CPQ: variants seen among roughly 807,000 people sequenced by gnomAD.
CPQ encodes the protein carboxypeptidase Q, also known as Ser-Met dipeptidase.
Under a neutral mutation model 45.7 loss-of-function variants are expected in CPQ, and 37 were observed. The observed-to-expected ratio is 0.81, with a 90% CI of 0.62 to 1.07. CPQ has a LOEUF of 1.07. Among genes scored for constraint, CPQ ranks in the 50% least tolerant of loss-of-function variants. CPQ has a pLI of 0.00. For missense variants in CPQ, 537 were observed against 572.9 expected, an observed-to-expected ratio of 0.94 and a Z score of 0.64; for synonymous variants, 186 against 205.8, an observed-to-expected ratio of 0.90 and a Z score of 0.82.
intron 7 of CPQ, among the ~76,000 whole-genome samples, chr8:97,120,697 G>A (rs1811686370): frequency 2.0e-5 from 3 of 152,122 alleles, no homozygotes; most frequent in Admixed American, 2.0e-4. Flanking sequence ...CTCAGTTTAG[G>A]AGCTTAATGT....
intron 2 of CPQ, among the ~76,000 whole-genome samples, chr8:96,826,116 T>C (rs1269085972): frequency 6.6e-6 from 1 of 152,084 alleles, no homozygotes; most frequent in Non-Finnish European, 1.5e-5. Flanking sequence ...ATTTTAATGA[T>C]CTTGAGTTTA....
intron 4 of CPQ, among the ~76,000 whole-genome samples, chr8:96,899,238 C>T (rs1285592498): frequency 6.6e-6 from 1 of 151,938 alleles, no homozygotes; most frequent in South Asian, 2.1e-4. Context: ...TATGGGGATG[C>T]GTAGAGAGTA....
chr8:96,862,180 A>G (rs1194623270), intron 3 of CPQ, among the ~76,000 whole-genome samples: 1 of 152,026 alleles, frequency 6.6e-6, no homozygotes, highest in Admixed American at 6.6e-5. Context: ...TTTAAATCCC[A>G]GCCCTTCCGC....
chr8:96,944,206 A>G (rs960642568), intron 4 of CPQ, among the ~76,000 whole-genome samples: 3 of 152,090 alleles, frequency 2.0e-5, no homozygotes, highest in Admixed American at 2.0e-4. Context: ...GTCTATGATC[A>G]AAATATCCTC....
intron 6 of CPQ, among the ~76,000 whole-genome samples, chr8:97,047,927 T>C (rs962361762): frequency 3.3e-5 from 5 of 152,290 alleles, no homozygotes; most frequent in Non-Finnish European, 7.4e-5. Flanking sequence ...CTTTGAGAGA[T>C]GGAAATAATG....
At chr8:96,791,845 C>T (rs1810850338) in intron 2 of CPQ, among the ~76,000 whole-genome samples, 2 of 152,078 alleles carry the variant, frequency 1.3e-5, no homozygotes, top group South Asian at 2.1e-4. Flanking sequence ...ATCATCATGG[C>T]CTTGATTTCG....
chr8:96,753,540 T>TA, intron 1 of CPQ, among the ~76,000 whole-genome samples: 2 of 139,456 alleles, frequency 1.4e-5, no homozygotes, highest in Non-Finnish European at 3.3e-5. Context: ...CCTCAAGGTT[T>TA]TACTTAAGAA....
chr8:96,793,088 A>T lies in CPQ; in HGVS notation c.433+7758A>T, dbSNP rs1343882192. On this transcript the variant is annotated intron_variant, in intron 2 of 7. Transcript: ENST00000220763. ...TCCCTCAATAAGATTTGGGTGGGAC[A>T]CAGCCAAGCCATATACATAATGAAT... Among the ~76,000 whole-genome samples the T allele has an allele frequency of 2.0e-5, 3 of 152,220 alleles. No individual in the cohort carries two copies. In the South Asian group the frequency reaches 6.2e-4, roughly 32 times the overall value.
intron 4 of CPQ, among the ~76,000 whole-genome samples, chr8:96,941,102 C>T (rs962056562): frequency 2.6e-5 from 4 of 152,084 alleles, no homozygotes; most frequent in Admixed American, 1.3e-4. Context: ...AAATTGCTTT[C>T]GGCCCTCTCC....
At chr8:96,938,033 C>G (rs901760681) in intron 4 of CPQ, among the ~76,000 whole-genome samples, 3 of 152,136 alleles carry the variant, frequency 2.0e-5, no homozygotes, top group Admixed American at 2.0e-4. Context: ...ACACTTTCCT[C>G]TTAGAAATAA....
intron 7 of CPQ, among the ~76,000 whole-genome samples, chr8:97,095,165 ATTC>A (rs1222731460): frequency 6.6e-6 from 1 of 152,058 alleles, no homozygotes; most frequent in African/African-American, 2.4e-5. Flanking sequence ...AACTCTATAG[ATTC>A]TCAAATCTAT....
At chr8:97,126,229 A>G (rs1024672338) in intron 7 of CPQ, among the ~76,000 whole-genome samples, 1 of 152,220 alleles carries the variant, frequency 6.6e-6, no homozygotes, top group Non-Finnish European at 1.5e-5. Context: ...CGTCTTCTGC[A>G]CTTGTACCCA....
intron 1 of CPQ, among the ~76,000 whole-genome samples, chr8:96,778,579 C>T (rs1172795704): frequency 6.6e-6 from 1 of 152,098 alleles, no homozygotes; most frequent in African/African-American, 2.4e-5. Flanking sequence ...GGAAAACTAA[C>T]TTTGTTAAAA....
chr8:96,775,007 T>C (rs1283509357), intron 1 of CPQ, among the ~76,000 whole-genome samples: 1 of 152,184 alleles, frequency 6.6e-6, no homozygotes, highest in African/African-American at 2.4e-5. Context: ...TGCTCAGTGA[T>C]GGCAAGACCA....
chr8:96,737,015 G>T lies in CPQ; in HGVS notation c.-34-47849G>T, dbSNP rs532560933. On this transcript the variant is annotated intron_variant, in intron 1 of 7. Coordinates refer to ENST00000220763, the MANE Select transcript of CPQ (RefSeq NM_016134.4). ...CTTTCTGTATTTCTCATTCACTTTT[G>T]CCAGAGGTATGCCAATTTTATTAGT... Among the ~76,000 whole-genome samples, 504 of 151,672 alleles carry T rather than the reference G, an allele frequency of 3.3e-3. 2 individuals are homozygous for T. The highest frequency in any genetic ancestry group is 0.012 in the African/African-American group (479 of 41,352).
rs757637878 is a variant in CPQ, at chr8:96,966,000, T to A, written c.915T>A (p.Gly305=). 1 of 1,614,054 alleles carries A rather than the reference T, an allele frequency of 6.2e-7. No homozygotes were observed. Among genetic ancestry groups the A allele is most frequent in the Non-Finnish European group, 8.5e-7 (1 of 1,179,960 alleles). ...DVGQGAMDDG[G]GAFISWEALS... is the part of the protein sequence containing the mutation. ...GGCAGGGTGCCATGGATGATGGCGG[T>A]GGAGCCTTTATATCATGGGAAGCAC... Residue 305 remains glycine, a synonymous_variant, in exon 5 of 8, where the codon GGT becomes GGA. Transcript: ENST00000220763.
At chr8:97,078,456 A>G (rs1013112920) in intron 7 of CPQ, among the ~76,000 whole-genome samples, 2 of 152,160 alleles carry the variant, frequency 1.3e-5, no homozygotes, top group African/African-American at 4.8e-5. Context: ...TAATTATATG[A>G]TATTTCCAAT....
At chr8:97,021,511 T>C (rs1809682261) in intron 5 of CPQ, among the ~76,000 whole-genome samples, 1 of 152,176 alleles carries the variant, frequency 6.6e-6, no homozygotes. Context: ...TTCAGAAAAG[T>C]TTCCGGATAC....
chr8:97,060,047 TG>T lies in CPQ; in HGVS notation c.1054-5960del, dbSNP rs201275226. Reference sequence around the variant, plus strand: ...TACGTTTATTTCATTTATTTTTCCATGGTGGTCTCATAAGTTATTTTTTCTA... The same window carrying T: ...TACGTTTATTTCATTTATTTTTCCATGTGGTCTCATAAGTTATTTTTTCTA... On this transcript the variant is annotated intron_variant, in intron 6 of 7. Coordinates refer to ENST00000220763, the MANE Select transcript of CPQ (RefSeq NM_016134.4). Among the ~76,000 whole-genome samples the T allele has an allele frequency of 7.1e-3, 1,087 of 152,236 alleles. 22 individuals carry two copies. Among genetic ancestry groups the T allele is most frequent in the African/African-American group, 0.025 (1,040 of 41,552 alleles).
Sources: allele counts gnomAD v4.1 joint callset (sites outside exome capture counted in the v4.1 genomes callset), GRCh38; gene constraint gnomAD v4.1.1; transcripts MANE v1.5; gene names NCBI Gene and HGNC (gene_info 2026-07-23, HGNC 2026-07-21).